Variants in ZFYVE1 observed in about 807,000 individuals in gnomAD.
The protein encoded by ZFYVE1 is zinc finger FYVE-type containing 1.
In ZFYVE1, 30 loss-of-function variants were observed where a neutral mutation model predicts 74.4. That is an observed-to-expected ratio of 0.40 (90% CI 0.30 to 0.55). The LOEUF (loss-of-function observed/expected upper bound fraction) is 0.55. Among genes scored for constraint, ZFYVE1 ranks in the 20% least tolerant of loss-of-function variants. ZFYVE1 has a pLI of 0.42. For synonymous variants in ZFYVE1, 335 were observed against 385.1 expected (o/e 0.87, Z 1.52); for missense variants, 703 against 1,011.6 (o/e 0.69, Z 4.14).
chr14:73,006,819 G>A (rs1217765659), intron 2 of ZFYVE1, among the ~76,000 whole-genome samples: 8 of 146,046 alleles, frequency 5.5e-5, no homozygotes, highest in South Asian at 4.5e-4. Context: ...TGGTTCAAGC[G>A]ATTATCCTGC....
At chr14:72,991,251 G>A (rs918732797) in intron 4 of ZFYVE1, among the ~76,000 whole-genome samples, 52 of 141,810 alleles carry the variant, frequency 3.7e-4, no homozygotes, top group Admixed American at 3.8e-4. Context: ...GTGCAGTGGC[G>A]CCATCTCGGC....
intron 4 of ZFYVE1, among the ~76,000 whole-genome samples, chr14:72,990,854 C>T (rs550170802): frequency 1.3e-5 from 2 of 151,870 alleles, no homozygotes; most frequent in East Asian, 3.9e-4. Context: ...GAGTCTGCCA[C>T]CACGCCCAGC....
Position 72,975,025 on chromosome 14 carries a change from A to G in ZFYVE1, c.1807-66T>C. On this transcript the variant is annotated intron_variant, in intron 9 of 11. Transcript: ENST00000556143. The surrounding 1 kb of genome is among the most constrained non-coding windows in gnomAD (Gnocchi z 4.1). ...TGGTACATGTCTGCTCAGCTGAGAA[A>G]GTCAACAAGACCCCGGAGCAAGCAG... 2.0e-6 allele frequency: 3 copies of G among 1,512,020 alleles called. No homozygotes were observed. Among genetic ancestry groups the G allele is most frequent in the Non-Finnish European group, 2.7e-6 (3 of 1,121,038 alleles). 93.7% of individuals were successfully genotyped at this position (1,512,020 alleles called of 1,614,324 possible).
chr14:72,988,175 A>ATTTT (rs34995252), intron 4 of ZFYVE1, among the ~76,000 whole-genome samples: 2 of 139,988 alleles, frequency 1.4e-5, no homozygotes, highest in Admixed American at 7.2e-5. Context: ...GGCTAACAAC[A>ATTTT]TTTTTTTTTT....
chr14:72,972,363 T>C (rs1299717730), intron 11 of ZFYVE1, among the ~76,000 whole-genome samples: 1 of 152,178 alleles, frequency 6.6e-6, no homozygotes. Flanking sequence ...TGGGAGCACT[T>C]GGTGAGCACA....
At position 73,026,981 on chromosome 14, in the gene ZFYVE1, G is replaced by C. The variant is rs1340092503; in HGVS notation, c.-490C>G. The stretch of plus-strand genomic sequence containing the variant: ...GTCGGGGGGCCGCAGGGCGCCAGTG[G>C]GGGCAGAGGCTATTCCTCAGGACAC... On this transcript the variant is annotated 5_prime_UTR_variant, in exon 1 of 12. Coordinates refer to ENST00000556143, the MANE Select transcript of ZFYVE1 (RefSeq NM_021260.4). 2.5e-6 allele frequency: 1 copy of C among 398,846 alleles called. No homozygotes were observed. Among genetic ancestry groups the C allele is most frequent in the East Asian group, 3.6e-5 (1 of 28,068 alleles). The allele number at this position is 398,846 out of a possible 1,614,324, so 24.7% of individuals were successfully genotyped here.
At chr14:73,023,850 G>A (rs1038699150) in intron 2 of ZFYVE1, among the ~76,000 whole-genome samples, 176 bp downstream of exon 2, 2 of 152,006 alleles carry the variant, frequency 1.3e-5, no homozygotes, top group African/African-American at 4.8e-5. Flanking sequence ...AAAGTAATTC[G>A]GCCAGAGGTC....
intron 2 of ZFYVE1, among the ~76,000 whole-genome samples, chr14:73,008,935 C>T (rs1000665837): frequency 1.3e-5 from 2 of 152,156 alleles, no homozygotes; most frequent in Non-Finnish European, 2.9e-5. Flanking sequence ...TTGCTCAAAG[C>T]CTCCATTCCC....
At chr14:72,994,451 G>A (rs1230835247) in intron 3 of ZFYVE1, among the ~76,000 whole-genome samples, 1 of 151,992 alleles carries the variant, frequency 6.6e-6, no homozygotes, top group East Asian at 1.9e-4. Flanking sequence ...GACATGAGGA[G>A]GGCTTCTATG....
At chr14:72,976,293 C>G (rs1401885680) in intron 8 of ZFYVE1, among the ~76,000 whole-genome samples, 1 of 152,166 alleles carries the variant, frequency 6.6e-6, no homozygotes, top group Admixed American at 6.5e-5. Context: ...AGAATGTGAC[C>G]TGAGAGTAAA....
intron 2 of ZFYVE1, among the ~76,000 whole-genome samples, chr14:73,001,078 C>T (rs920836180): frequency 2.6e-5 from 4 of 152,240 alleles, no homozygotes; most frequent in Non-Finnish European, 5.9e-5. Flanking sequence ...GCTTCTTAAA[C>T]TTCAGAGGGG....
intron 1 of ZFYVE1, among the ~76,000 whole-genome samples, chr14:73,026,063 A>G (rs1894453625): frequency 1.3e-5 from 2 of 152,116 alleles, no homozygotes; most frequent in Admixed American, 1.3e-4. Context: ...CTTAGAAACA[A>G]TAGTAACAAT....
intron 2 of ZFYVE1, among the ~76,000 whole-genome samples, chr14:73,008,084 T>C (rs891961100): frequency 2.6e-5 from 4 of 152,220 alleles, no homozygotes; most frequent in African/African-American, 9.6e-5. Flanking sequence ...CTACCAGTGG[T>C]GCTTCTGACA....
At chr14:72,993,019 C>T (rs1012150622) in intron 4 of ZFYVE1, 124 bp downstream of exon 4, 7 of 947,806 alleles carry the variant, frequency 7.4e-6, no homozygotes, top group Admixed American at 2.9e-5. Context: ...CATGTGCTTC[C>T]GCTTCTTATA....
Position 73,024,090 on chromosome 14 carries a change from T to A in ZFYVE1, c.419A>T (p.Lys140Met), listed in dbSNP as rs772681051. 12 of 1,614,220 alleles carry A rather than the reference T, an allele frequency of 7.4e-6. No individual in the cohort carries two copies. The highest frequency in any genetic ancestry group is 9.3e-6 in the Non-Finnish European group (11 of 1,180,036). Residue 140 changes from lysine to methionine, a missense_variant, in exon 2 of 12, where the codon AAG becomes ATG. Transcript: ENST00000556143. ...AACCTTCTCAGTCATCTTCTTCCTC[T>A]TGGTCTCCTCATCCATCTCTTCTGC... The part of the protein sequence containing the change: ...LEAEEMDEET[K>M]RKKMTEKVVS...
Position 72,993,292 on chromosome 14 carries a change from C to G in ZFYVE1, c.1054G>C (p.Glu352Gln). The change falls in exon 4 of 12, where the codon GAA becomes CAA. Residue 352 changes from glutamate to glutamine, a missense_variant. By Grantham distance (29) the Glu-to-Gln change is conservative (BLOSUM62 2). Transcript: ENST00000556143. Reference sequence around the variant, plus strand: ...TTGTAGTGAATGGAACTAAAGGCTTCAGGGAAACGGCCCAGCTTCCGGAAC... The same window carrying G: ...TTGTAGTGAATGGAACTAAAGGCTTGAGGGAAACGGCCCAGCTTCCGGAAC... ...DRFRKLGRFP[E>Q]AFSSIHYKGT... is the part of the protein sequence containing the mutation. The G allele has an allele frequency of 6.2e-7, 1 of 1,613,556 alleles. No homozygotes were observed. Among genetic ancestry groups the G allele is most frequent in the Non-Finnish European group, 8.5e-7 (1 of 1,179,944 alleles).
chr14:72,982,430 T>A (rs1330446156), intron 4 of ZFYVE1, among the ~76,000 whole-genome samples: 2 of 150,036 alleles, frequency 1.3e-5, no homozygotes, highest in Non-Finnish European at 3.0e-5. Flanking sequence ...TGTTTGCCAG[T>A]CATTTATCAA....
chr14:72,999,615 G>C (rs375582986), intron 2 of ZFYVE1, among the ~76,000 whole-genome samples: 1 of 151,960 alleles, frequency 6.6e-6, no homozygotes, highest in Non-Finnish European at 1.5e-5. Context: ...CAGAATGGAA[G>C]AAAACATTTG....
chr14:73,014,944 C>A (rs1237609777), intron 2 of ZFYVE1, among the ~76,000 whole-genome samples: 1 of 152,052 alleles, frequency 6.6e-6, no homozygotes, highest in Non-Finnish European at 1.5e-5. Context: ...GTAAAGAATT[C>A]CCATACAGGG....
Sources: gnomAD v4.1 joint callset for allele counts (sites outside exome capture counted in the v4.1 genomes callset) on GRCh38, gnomAD v4.1.1 for gene constraint, Gnocchi (gnomAD v3.1) non-coding constraint, MANE v1.5 for transcripts, NCBI Gene and HGNC (gene_info 2026-07-23, HGNC 2026-07-21) for gene names.